The following BICC1 variants were observed in gnomAD, a reference collection of about 807,000 sequenced individuals.
BICC1 encodes BicC family RNA binding protein 1, also known as protein bicaudal C homolog 1.
BICC1 carries 43 observed loss-of-function variants against 111.0 expected under a neutral mutation model. That is an observed-to-expected ratio of 0.39 (90% CI 0.30 to 0.50). The LOEUF (loss-of-function observed/expected upper bound fraction) is 0.50, where lower values mean the gene tolerates loss of function less well. BICC1 is among the 20% of genes least tolerant of loss of function. BICC1 has a pLI of 0.88. For missense variants in BICC1, 1,091 were observed against 1,203.2 expected (o/e 0.91, Z 1.38); for synonymous variants, 467 against 434.4 (o/e 1.07, Z -0.93).
intron 4 of BICC1, 114 bp downstream of exon 4, chr10:58,785,194 GT>G: frequency 1.8e-6 from 1 of 543,824 alleles, no homozygotes; most frequent in Non-Finnish European, 3.2e-6. Context: ...GTAATGGTGG[GT>G]TTTAAAATAA....
At chr10:58,513,716 G>C (rs1267991347) in intron 1 of BICC1, among the ~76,000 whole-genome samples, 5 of 152,202 alleles carry the variant, frequency 3.3e-5, no homozygotes, top group Admixed American at 6.5e-5. Flanking sequence ...CCATTCCCTG[G>C]CAGCCTCGAG....
In BICC1 at chr10:58,563,803, A is replaced by C. The variant is rs570768323; in HGVS notation, c.190+50470A>C. ...TTGGATTGCAATTTTATAAGTGATA[A>C]AAATGTTTAGCAATATGATGGGGTG... On this transcript the variant is annotated intron_variant, in intron 1 of 20. Coordinates refer to ENST00000373886, the MANE Select transcript of BICC1 (RefSeq NM_001080512.3). Among the ~76,000 whole-genome samples, 89 of 152,332 alleles carry C rather than the reference A, an allele frequency of 5.8e-4. 1 individual carries two copies. In the Middle Eastern group the frequency reaches 0.01, roughly 17 times the overall value.
At chr10:58,771,972 T>G (rs1156833140) in intron 3 of BICC1, among the ~76,000 whole-genome samples, 1 of 152,204 alleles carries the variant, frequency 6.6e-6, no homozygotes, top group African/African-American at 2.4e-5. Flanking sequence ...GGAGGAATGT[T>G]ACATAGAAGA....
chr10:58,824,988 T>C (rs1027848804), intron 20 of BICC1, among the ~76,000 whole-genome samples: 2 of 152,180 alleles, frequency 1.3e-5, no homozygotes, highest in African/African-American at 2.4e-5. Flanking sequence ...ATAATTTTAG[T>C]TGGCAAAAGA....
intron 1 of BICC1, among the ~76,000 whole-genome samples, chr10:58,602,667 G>A (rs1845079010): frequency 1.3e-5 from 2 of 152,278 alleles, no homozygotes; most frequent in African/African-American, 4.8e-5. Flanking sequence ...ATAAAAGTAG[G>A]TGTGTGATTT....
At chr10:58,740,601 G>GA (rs199759963) in intron 3 of BICC1, among the ~76,000 whole-genome samples, 1 of 151,612 alleles carries the variant, frequency 6.6e-6, no homozygotes, top group Non-Finnish European at 1.5e-5. Flanking sequence ...TGGGTGAAAA[G>GA]AAAAAAAACC....
chr10:58,544,121 A>G (rs1012053293), intron 1 of BICC1, among the ~76,000 whole-genome samples: 1 of 152,078 alleles, frequency 6.6e-6, no homozygotes, highest in Non-Finnish European at 1.5e-5. Flanking sequence ...TCATCAAACT[A>G]AGTCTGCATG....
intron 2 of BICC1, among the ~76,000 whole-genome samples, chr10:58,676,702 G>A (rs1839353276): frequency 6.6e-6 from 1 of 152,196 alleles, no homozygotes; most frequent in Non-Finnish European, 1.5e-5. Context: ...TCTGCTAAGG[G>A]GCAGACTGCC....
chr10:58,523,331 A>G (rs1286004529), intron 1 of BICC1, among the ~76,000 whole-genome samples: 1 of 152,246 alleles, frequency 6.6e-6, no homozygotes, highest in Non-Finnish European at 1.5e-5. Flanking sequence ...CGAATCCAGC[A>G]GCACATCAAA....
At chr10:58,584,887 G>A (rs545459375) in intron 1 of BICC1, among the ~76,000 whole-genome samples, 7 of 151,954 alleles carry the variant, frequency 4.6e-5, no homozygotes, top group Admixed American at 2.0e-4. Context: ...AGACTAACCA[G>A]TCAAGTTATA....
At chr10:58,602,820 C>A (rs1485892917) in intron 1 of BICC1, among the ~76,000 whole-genome samples, 6 of 152,170 alleles carry the variant, frequency 3.9e-5, no homozygotes, top group Admixed American at 3.9e-4. Flanking sequence ...TAAAACAGGA[C>A]CCATTGGGAT....
rs891138862 is a variant in BICC1 at position 58,513,077 on chromosome 10, G to C, written c.-67G>C. ...GCTGGGAGCCAGTTGAGCCCGGCCG[G>C]CGAGCGGAGGCGGCAGCGCAGGCAG... On this transcript the variant is annotated 5_prime_UTR_variant, in exon 1 of 21. Transcript: ENST00000373886. 4.1e-6 allele frequency: 5 copies of C among 1,234,128 alleles called. No individual in the cohort carries two copies. Among genetic ancestry groups the C allele is most frequent in the Non-Finnish European group, 4.1e-6 (4 of 975,238 alleles). 76.4% of individuals were successfully genotyped at this position (1,234,128 alleles called of 1,614,324 possible).
At chr10:58,727,063 C>G (rs1841129766) in intron 3 of BICC1, among the ~76,000 whole-genome samples, 1 of 152,072 alleles carries the variant, frequency 6.6e-6, no homozygotes, top group Non-Finnish European at 1.5e-5. Flanking sequence ...TTTTACAGAG[C>G]TTTGTAACTT....
chr10:58,814,711 G>T (rs548722786), intron 18 of BICC1, among the ~76,000 whole-genome samples: 1 of 151,670 alleles, frequency 6.6e-6, no homozygotes, highest in South Asian at 2.1e-4. Context: ...TGGGAGGATC[G>T]CTTGAGCCCA....
At chr10:58,528,960 C>T (rs1025274082) in intron 1 of BICC1, among the ~76,000 whole-genome samples, 2 of 151,892 alleles carry the variant, frequency 1.3e-5, no homozygotes, top group Non-Finnish European at 2.9e-5. Context: ...TAAAGTGTCT[C>T]GGCTTTGGAG....
At chr10:58,692,283 C>G (rs947161619) in intron 2 of BICC1, among the ~76,000 whole-genome samples, 4 of 152,066 alleles carry the variant, frequency 2.6e-5, no homozygotes, top group African/African-American at 9.7e-5. Context: ...TAGGAGTTCT[C>G]TAAACTTTTG....
chr10:58,517,724 C>T (rs1226024060), intron 1 of BICC1, among the ~76,000 whole-genome samples: 1 of 152,308 alleles, frequency 6.6e-6, no homozygotes, highest in Admixed American at 6.5e-5. Context: ...GAATCCATCA[C>T]TTGGCGACCT....
intron 3 of BICC1, among the ~76,000 whole-genome samples, chr10:58,756,119 T>G (rs145204963): frequency 1.5e-4 from 23 of 152,296 alleles, no homozygotes; most frequent in African/African-American, 4.8e-4. Flanking sequence ...TATCTATTCC[T>G]TTGAAAAACG....
chr10:58,716,568 A>G (rs953786722), intron 3 of BICC1, among the ~76,000 whole-genome samples: 2 of 152,182 alleles, frequency 1.3e-5, no homozygotes, highest in African/African-American at 4.8e-5. Context: ...TAAAATTAAT[A>G]CTTTTGACTA....
Sources: allele counts gnomAD v4.1 joint callset (sites outside exome capture counted in the v4.1 genomes callset), GRCh38; gene constraint gnomAD v4.1.1; transcripts MANE v1.5; gene names NCBI Gene and HGNC (gene_info 2026-07-23, HGNC 2026-07-21).